ADGRE1: variants seen among roughly 807,000 people sequenced by gnomAD.
ADGRE1 encodes EGF-like module receptor 1.
ADGRE1 carries 82 observed loss-of-function variants against 102.7 expected under a neutral mutation model. The ratio of observed to expected loss-of-function variants is 0.80; its 90% CI spans 0.67 to 0.96. The LOEUF (loss-of-function observed/expected upper bound fraction) is 0.96, where lower values mean the gene tolerates loss of function less well. Among genes scored for constraint, ADGRE1 ranks in the 40% least tolerant of loss-of-function variants. The probability of loss-of-function intolerance (pLI) is 0.00; values close to 1 mark genes in which losing one functional copy is unlikely to be tolerated. For synonymous variants in ADGRE1, 398 were observed against 399.6 expected (o/e 1.00, Z 0.05); for missense variants, 1,032 against 1,085.3 (o/e 0.95, Z 0.69).
rs752297535 is a variant in ADGRE1, at chr19:6,904,108, A to G, written c.875A>G (p.Tyr292Cys). 6.2e-7 allele frequency: 1 copy of G among 1,614,168 alleles called. No homozygotes were observed. Among genetic ancestry groups the G allele is most frequent in the Non-Finnish European group, 8.5e-7 (1 of 1,180,028 alleles). The change falls in exon 8 of 21, where the codon TAC (tyrosine) becomes TGC (cysteine). Residue 292 changes from tyrosine to cysteine, a missense_variant. Physicochemically the swap from Tyr to Cys is radical, Grantham distance 194. Transcript: ENST00000312053. ...NSICTNALGSYSCGCIAGFHP... is the reference protein window; with the variant it reads ...NSICTNALGSCSCGCIAGFHP... ...ATCTGCACCAATGCCCTGGGCTCCTACAGCTGTGGCTGCATTGCAGGCTTT... is the reference window on the plus strand; with the variant it reads ...ATCTGCACCAATGCCCTGGGCTCCTGCAGCTGTGGCTGCATTGCAGGCTTT...
chr19:6,901,519 A>G (rs8101320), intron 5 of ADGRE1, among the ~76,000 whole-genome samples: 58,332 of 152,122 alleles, frequency 0.38, 13,493 homozygotes, highest in African/African-American at 0.65. Flanking sequence ...CCACCTCTTA[A>G]TGCAAGGTAT....
chr19:6,940,076 AG>A lies in ADGRE1; in HGVS notation c.*48del, dbSNP rs1458666153. On this transcript the variant is annotated 3_prime_UTR_variant, in exon 21 of 21. Coordinates refer to ENST00000312053, the MANE Select transcript of ADGRE1 (RefSeq NM_001974.5). ...ATGCTATGGAGCCACAGTTGAGGAC[AG>A]TAGTTTCCTGCAGGAGCCTACCCTG... 1.9e-6 allele frequency: 3 copies of A among 1,608,156 alleles called. No homozygotes were observed. The South Asian group carries it at 3.3e-5, about 18-fold the overall frequency.
rs1387258218 is a variant in ADGRE1 at position 6,919,580 on chromosome 19, G to A, written c.1453G>A (p.Gly485Ser). Residue 485 changes from glycine (G) to serine (S), a missense_variant, in exon 13 of 21, where the codon GGC becomes AGC. Gly to Ser is a moderately conservative substitution (Grantham distance 56). Transcript: ENST00000312053. The stretch of plus-strand genomic sequence containing the variant: ...TGGTGTGGCTTTTGTCTCCTTTGTG[G>A]GCATGGAATCGGTTTTAAATGAGCG... Reference protein sequence around the residue: ...TTGVAFVSFVGMESVLNERFF... With the variant: ...TTGVAFVSFVSMESVLNERFF... The A allele has an allele frequency of 1.9e-6, 3 of 1,613,000 alleles. No individual in the cohort carries two copies. Among genetic ancestry groups the A allele is most frequent in the South Asian group, 1.1e-5 (1 of 91,036 alleles).
At chr19:6,919,092 G>A (rs1447647997) in intron 12 of ADGRE1, among the ~76,000 whole-genome samples, 1 of 152,098 alleles carries the variant, frequency 6.6e-6, no homozygotes. Flanking sequence ...GAGTGCAGTG[G>A]TGCGATCTCG....
chr19:6,890,554 C>T lies in ADGRE1; in HGVS notation c.94+11C>T, dbSNP rs370792120. The T allele has an allele frequency of 1.1e-5, 17 of 1,612,240 alleles. No individual in the cohort carries two copies. The African/African-American group carries it at 2.3e-4, about 22-fold the overall frequency. On this transcript the variant is annotated intron_variant, in intron 2 of 20. Transcript: ENST00000312053. ...AACCAAACACAAAGGGTAAGTTGGC[C>T]AGAGAGAATGCAGATGCCTGAAGGG... is the stretch of plus-strand genomic sequence containing the variant.
At chr19:6,921,296 C>T (rs935299085) in intron 13 of ADGRE1, among the ~76,000 whole-genome samples, 9 of 152,098 alleles carry the variant, frequency 5.9e-5, no homozygotes, top group Non-Finnish European at 1.0e-4. Context: ...GTGGCGGGCA[C>T]CTGTAATCCC....
At chr19:6,914,779 A>T (rs1230890784) in intron 11 of ADGRE1, among the ~76,000 whole-genome samples, 1 of 152,178 alleles carries the variant, frequency 6.6e-6, no homozygotes, top group Non-Finnish European at 1.5e-5. Flanking sequence ...GAGGGTTGGG[A>T]TTACAGGGAG....
Position 6,928,220 on chromosome 19 carries a change from A to C in ADGRE1, c.2289+9A>C, listed in dbSNP as rs751505944. ...TTTGCACAGTTATAGTGGTAAGCAA[A>C]TACTACAACAGCCTGGCGAAGTGTG... is the stretch of plus-strand genomic sequence containing the variant. On this transcript the variant is annotated intron_variant, in intron 17 of 20. Coordinates refer to ENST00000312053, the MANE Select transcript of ADGRE1 (RefSeq NM_001974.5). 59 of 1,614,066 alleles carry C rather than the reference A, an allele frequency of 3.7e-5. No individual in the cohort carries two copies. Among genetic ancestry groups the C allele is most frequent in the Non-Finnish European group, 4.7e-5 (56 of 1,180,038 alleles).
intron 14 of ADGRE1, 98 bp from the exon 15 acceptor site, chr19:6,924,580 C>T (rs1974804752): frequency 9.6e-7 from 1 of 1,040,854 alleles, no homozygotes; most frequent in Non-Finnish European, 1.4e-6. Context: ...TTCCCCCAAG[C>T]TAATTTTGCC....
intron 17 of ADGRE1, chr19:6,928,651 A>C: frequency 5.8e-6 from 1 of 171,364 alleles, no homozygotes; most frequent in Non-Finnish European, 1.2e-5. Context: ...ATAAATAAAT[A>C]AGTTATCGGC....
At chr19:6,902,290 G>A (rs1448133953) in intron 6 of ADGRE1, among the ~76,000 whole-genome samples, 5 of 152,130 alleles carry the variant, frequency 3.3e-5, no homozygotes. Context: ...TGGAGGAGGG[G>A]CACCATTCAG....
chr19:6,921,387 A>G (rs1490860957), intron 13 of ADGRE1, among the ~76,000 whole-genome samples: 1 of 152,150 alleles, frequency 6.6e-6, no homozygotes, highest in Non-Finnish European at 1.5e-5. Flanking sequence ...GCACCACTGC[A>G]CTCCAGCCTG....
intron 10 of ADGRE1, among the ~76,000 whole-genome samples, chr19:6,912,234 GCA>G (rs367820286): frequency 6.0e-5 from 9 of 150,768 alleles, no homozygotes; most frequent in African/African-American, 1.2e-4. Flanking sequence ...ACATATATAA[GCA>G]CACACACACA....
Position 6,940,178 on chromosome 19 carries a change from G to T in ADGRE1, c.*149G>T, listed in dbSNP as rs464849. On this transcript the variant is annotated 3_prime_UTR_variant, in exon 21 of 21. Transcript: ENST00000312053. ...CCCTCTGGGGAAGAATGTTGGGGGC[G>T]GTCTTCCTGTGGTTGTATGCACTGA... 24 of 882,822 alleles carry T rather than the reference G, an allele frequency of 2.7e-5. No homozygotes were observed. Among genetic ancestry groups the T allele is most frequent in the Non-Finnish European group, 4.1e-5 (23 of 562,530 alleles). 54.7% of individuals were successfully genotyped at this position (882,822 alleles called of 1,614,324 possible).
chr19:6,928,628 CAAAAAA>C (rs59912462), intron 17 of ADGRE1: 3 of 160,096 alleles, frequency 1.9e-5, no homozygotes, highest in African/African-American at 4.9e-5. Flanking sequence ...AACTCCGTCT[CAAAAAA>C]AAAAAAATAA....
chr19:6,924,503 T>A (rs185321781), intron 14 of ADGRE1, among the ~76,000 whole-genome samples, 175 bp from the exon 15 acceptor site: 1 of 152,252 alleles, frequency 6.6e-6, no homozygotes, highest in East Asian at 1.9e-4. Flanking sequence ...TGCTGGTGGA[T>A]GCCAGTGGAT....
chr19:6,899,494 C>T (rs751412194), intron 5 of ADGRE1, among the ~76,000 whole-genome samples: 1 of 151,832 alleles, frequency 6.6e-6, no homozygotes, highest in Non-Finnish European at 1.5e-5. Context: ...GCCTGGCGAA[C>T]ATGGTGAAAC....
At chr19:6,901,172 C>T (rs773935279) in intron 5 of ADGRE1, among the ~76,000 whole-genome samples, 6 of 152,204 alleles carry the variant, frequency 3.9e-5, no homozygotes, top group Admixed American at 1.3e-4. Flanking sequence ...TTCTCCTTAG[C>T]CAGATTTTCA....
intron 14 of ADGRE1, among the ~76,000 whole-genome samples, chr19:6,922,807 G>A (rs1179925190): frequency 6.6e-6 from 1 of 152,150 alleles, no homozygotes; most frequent in Non-Finnish European, 1.5e-5. Flanking sequence ...ACCTGGCTCG[G>A]TGGCTCACGC....
Sources: gnomAD v4.1 joint callset for allele counts (sites outside exome capture counted in the v4.1 genomes callset) on GRCh38, gnomAD v4.1.1 for gene constraint, MANE v1.5 for transcripts, NCBI Gene and HGNC (gene_info 2026-07-23, HGNC 2026-07-21) for gene names.